Variants in HOOK3 observed in about 807,000 individuals in gnomAD.
HOOK3 encodes hook microtubule tethering protein 3, also known as protein Hook homolog 3.
Under a neutral mutation model 116.3 loss-of-function variants are expected in HOOK3, and 24 were observed. That is an observed-to-expected ratio of 0.21 (90% CI 0.15 to 0.29). HOOK3 has a LOEUF of 0.29. Among genes scored for constraint, HOOK3 ranks in the 10% least tolerant of loss-of-function variants. HOOK3 has a pLI of 1.00. For missense variants in HOOK3, 632 were observed against 830.2 expected, an observed-to-expected ratio of 0.76 and a Z score of 2.93; for synonymous variants, 275 against 283.0, an observed-to-expected ratio of 0.97 and a Z score of 0.28.
At chr8:42,935,725 C>G (rs556746688) in intron 4 of HOOK3, among the ~76,000 whole-genome samples, 6 of 152,160 alleles carry the variant, frequency 3.9e-5, no homozygotes, top group Admixed American at 3.9e-4. Context: ...ATTTCTGAGG[C>G]CTCTGTTCTG....
chr8:42,945,057 A>C (rs1278134914), intron 5 of HOOK3, among the ~76,000 whole-genome samples: 1 of 152,136 alleles, frequency 6.6e-6, no homozygotes. Context: ...CATGAATTTC[A>C]ACTCGTTTCC....
Position 42,897,184 on chromosome 8 carries a change from C to A in HOOK3, c.53C>A (p.Thr18Asn), listed in dbSNP as rs1335399389. Residue 18 changes from threonine (T) to asparagine (N), a missense_variant, in exon 1 of 22, where the codon ACT becomes AAT. Thr to Asn is a moderately conservative substitution (Grantham distance 65). Transcript: ENST00000307602. ...ERAELCESLL[T>N]WIQTFNVDAP... ...GCGGAGCTGTGCGAGAGCCTCCTCA[C>A]TTGGGTACGTGGGGGCCGCGGGCCG... 3 of 1,247,276 alleles carry A rather than the reference C, an allele frequency of 2.4e-6. No individual in the cohort carries two copies. Among genetic ancestry groups the A allele is most frequent in the Non-Finnish European group, 3.0e-6 (3 of 990,980 alleles). 77.3% of individuals were successfully genotyped at this position (1,247,276 alleles called of 1,614,324 possible). A position where few individuals can be genotyped will look rare whatever the true frequency, so the allele number is the denominator to read the frequency against.
intron 13 of HOOK3, among the ~76,000 whole-genome samples, chr8:42,974,487 G>A (rs952761694): frequency 2.0e-5 from 3 of 151,998 alleles, no homozygotes; most frequent in Non-Finnish European, 4.4e-5. Flanking sequence ...AATCCCACCC[G>A]CCTTGGCTCC....
chr8:42,997,398 G>T (rs988293218), intron 15 of HOOK3, 152 bp from the exon 16 acceptor site: 10 of 561,052 alleles, frequency 1.8e-5, no homozygotes, highest in African/African-American at 1.7e-4. Context: ...AAAGTAAGCT[G>T]CCACTCATGA....
chr8:42,928,235 C>T (rs971609181), intron 3 of HOOK3, among the ~76,000 whole-genome samples: 7 of 151,618 alleles, frequency 4.6e-5, no homozygotes, highest in African/African-American at 4.9e-5. Context: ...GCCAAGATGG[C>T]GCCACTGCAC....
intron 2 of HOOK3, among the ~76,000 whole-genome samples, chr8:42,919,809 G>T (rs1289976389): frequency 6.6e-6 from 1 of 152,202 alleles, no homozygotes; most frequent in East Asian, 1.9e-4. Flanking sequence ...AGGCGTGGCG[G>T]TGCGCGCCTG....
chr8:42,949,135 A>AT (rs1380434450), intron 5 of HOOK3, among the ~76,000 whole-genome samples: 1 of 152,198 alleles, frequency 6.6e-6, no homozygotes, highest in Non-Finnish European at 1.5e-5. Context: ...ACCCCTTCAT[A>AT]TACTACCTCA....
At chr8:42,996,557 T>C (rs1027457389) in intron 15 of HOOK3, among the ~76,000 whole-genome samples, 13 of 152,240 alleles carry the variant, frequency 8.5e-5, no homozygotes, top group Admixed American at 5.2e-4. Context: ...GCTGATCTCC[T>C]TTTCCCCCAG....
chr8:43,005,013 A>G (rs1475300189), intron 17 of HOOK3, among the ~76,000 whole-genome samples: 1 of 152,060 alleles, frequency 6.6e-6, no homozygotes, highest in East Asian at 1.9e-4. Context: ...TGATTGAATG[A>G]GGTATATTCA....
At chr8:42,959,496 G>A (rs1258619229) in intron 8 of HOOK3, among the ~76,000 whole-genome samples, 182 bp downstream of exon 8, 4 of 151,854 alleles carry the variant, frequency 2.6e-5, no homozygotes, top group Admixed American at 2.0e-4. Context: ...AGGGTGGCGG[G>A]TCACTTGAGC....
intron 8 of HOOK3, among the ~76,000 whole-genome samples, chr8:42,959,924 G>T (rs1050349622): frequency 6.6e-5 from 10 of 152,010 alleles, no homozygotes; most frequent in African/African-American, 1.9e-4. Flanking sequence ...ATAATACTTG[G>T]TAATAGAAGA....
chr8:42,935,375 G>A (rs1807947862), intron 4 of HOOK3, among the ~76,000 whole-genome samples: 1 of 152,040 alleles, frequency 6.6e-6, no homozygotes, highest in South Asian at 2.1e-4. Context: ...CTTTTGCTGT[G>A]CAGAGGCTCT....
rs531511159 is a variant in HOOK3 at position 42,975,089 on chromosome 8, C to T, written c.1321+895C>T. 3.3e-5 allele frequency among the ~76,000 whole-genome samples: 5 copies of T among 152,180 alleles called. No individual in the cohort carries two copies. The South Asian group carries it at 6.2e-4, about 19-fold the overall frequency. ...GCAGCGGGCTGGGGAGAGGCGGCTA[C>T]GGGTGGGGCGCACCCAGGAGCGGGA... On this transcript the variant is annotated intron_variant, in intron 13 of 21. Coordinates refer to ENST00000307602, the MANE Select transcript of HOOK3 (RefSeq NM_032410.4).
intron 5 of HOOK3, chr8:42,949,275 GTT>G (rs1808293734): frequency 6.6e-6 from 1 of 152,188 alleles, no homozygotes; most frequent in Non-Finnish European, 1.5e-5. Flanking sequence ...TTGTTTTCAA[GTT>G]TGTCATTACT....
At chr8:42,974,240 T>A in intron 13 of HOOK3, 46 bp downstream of exon 13, 1 of 1,396,434 alleles carries the variant, frequency 7.2e-7, no homozygotes, top group East Asian at 2.3e-5. Flanking sequence ...CTTTTTTTTT[T>A]GAGACGGGAG....
intron 9 of HOOK3, among the ~76,000 whole-genome samples, chr8:42,965,584 C>T (rs1322743364): frequency 6.6e-6 from 1 of 152,118 alleles, no homozygotes; most frequent in Non-Finnish European, 1.5e-5. Flanking sequence ...TATTTTGTTA[C>T]GGTTTACTAA....
chr8:43,015,787 T>G (rs1165167286), intron 21 of HOOK3, among the ~76,000 whole-genome samples: 1 of 150,514 alleles, frequency 6.6e-6, no homozygotes, highest in Non-Finnish European at 1.5e-5. Context: ...GGTGCAATCT[T>G]GGCTCACTGC....
At position 42,897,060 on chromosome 8, in the gene HOOK3, C is replaced by T. The variant is rs1052030870; in HGVS notation, c.-72C>T. The T allele has an allele frequency of 2.6e-6, 3 of 1,153,370 alleles. No individual in the cohort carries two copies. Among genetic ancestry groups the T allele is most frequent in the Admixed American group, 8.5e-5 (2 of 23,482 alleles). 71.4% of individuals were successfully genotyped at this position (1,153,370 alleles called of 1,614,324 possible). ...CTGAGGCCGAGTCAGCTGCGCGGGC[C>T]CCCGGATCCCCCGACAGAGCGGCGG... On this transcript the variant is annotated 5_prime_UTR_variant, in exon 1 of 22. Coordinates refer to ENST00000307602, the MANE Select transcript of HOOK3 (RefSeq NM_032410.4).
rs796475257 is a variant in HOOK3 at position 43,022,108 on chromosome 8, TC to T, written c.*3611del. The T allele has an allele frequency of 1.1e-5, 2 of 183,350 alleles. No individual in the cohort carries two copies. The highest frequency in any genetic ancestry group is 5.3e-5 in the African/African-American group (2 of 37,984). The allele number at this position is 183,350 out of a possible 1,614,324, so 11.4% of individuals were successfully genotyped here. A position where few individuals can be genotyped will look rare whatever the true frequency, so the allele number is the denominator to read the frequency against. On this transcript the variant is annotated 3_prime_UTR_variant, in exon 22 of 22. Transcript: ENST00000307602. ...TGTAAAAAAAAAAAAAAAAAAAACT[TC>T]TGAATATACTTTAGGTATCAGAAAG...
Sources: allele counts gnomAD v4.1 joint callset (sites outside exome capture counted in the v4.1 genomes callset), GRCh38; gene constraint gnomAD v4.1.1; transcripts MANE v1.5; gene names NCBI Gene and HGNC (gene_info 2026-07-23, HGNC 2026-07-21).